BLTP1: variants seen among roughly 807,000 people sequenced by gnomAD.
BLTP1 encodes fragile site-associated protein.
At chr4:122,350,255 T>G in the BLTP1 span, 1 of 985,406 alleles carries the variant, frequency 1.0e-6, no homozygotes. Context: ...GGCCATCATT[T>G]AGGAAGACAT....
the BLTP1 span, chr4:122,349,981 A>G: frequency 6.2e-7 from 1 of 1,613,952 alleles, no homozygotes; most frequent in Non-Finnish European, 8.5e-7. The surrounding 1 kb of genome is among the most constrained non-coding windows in gnomAD (Gnocchi z 4.5). Flanking sequence ...ACAATTTGAT[A>G]CCAGCAAACG....
chr4:122,226,673 A>T, the BLTP1 span: 1 of 1,611,736 alleles, frequency 6.2e-7, no homozygotes, highest in Non-Finnish European at 8.5e-7. Flanking sequence ...TAGAATGCTA[A>T]CAGTGTTGTC....
chr4:122,359,838 T>G, the BLTP1 span: 1 of 1,432,832 alleles, frequency 7.0e-7, no homozygotes. Context: ...GTTAGTCTCC[T>G]GTAATGTCTA....
At chr4:122,291,849 T>C in the BLTP1 span, 1 of 978,772 alleles carries the variant, frequency 1.0e-6, no homozygotes, top group Non-Finnish European at 1.2e-6. Flanking sequence ...TTGTGAATGG[T>C]TGAGCTTTTG....
the BLTP1 span, chr4:122,199,461 A>G: frequency 6.2e-7 from 1 of 1,605,482 alleles, no homozygotes; most frequent in Non-Finnish European, 8.5e-7. Flanking sequence ...GTAAGTCTGT[A>G]GTACATGATG....
At chr4:122,239,476 G>GA in the BLTP1 span, 3 of 1,428,556 alleles carry the variant, frequency 2.1e-6, no homozygotes, top group Non-Finnish European at 2.8e-6. Context: ...TAAATTTTAT[G>GA]ATGTATAGAA....
the BLTP1 span, chr4:122,254,285 G>A: frequency 6.2e-7 from 1 of 1,613,482 alleles, no homozygotes; most frequent in African/African-American, 1.3e-5. Context: ...GACCATTAAA[G>A]AAATTTGGTT....
chr4:122,156,292 G>A, the BLTP1 span, among the ~76,000 whole-genome samples: 1 of 152,184 alleles, frequency 6.6e-6, no homozygotes. Context: ...GATCACTCAG[G>A]AAAATGTAGA....
the BLTP1 span, among the ~76,000 whole-genome samples, chr4:122,245,936 A>G: frequency 6.6e-6 from 1 of 152,030 alleles, no homozygotes; most frequent in South Asian, 2.1e-4. Flanking sequence ...CTGTAGGCTG[A>G]TTTCAATTTA....
At chr4:122,352,579 C>T in the BLTP1 span, among the ~76,000 whole-genome samples, 1 of 151,998 alleles carries the variant, frequency 6.6e-6, no homozygotes, top group Non-Finnish European at 1.5e-5. Flanking sequence ...AGGCTGGTCT[C>T]GAACTCCTGA....
chr4:122,234,803 G>T, the BLTP1 span: 7 of 1,612,816 alleles, frequency 4.3e-6, no homozygotes, highest in Non-Finnish European at 5.1e-6. Context: ...ATGATATCCT[G>T]AAGAATAAGA....
the BLTP1 span, chr4:122,362,569 G>A: frequency 5.8e-6 from 1 of 172,084 alleles, no homozygotes; most frequent in East Asian, 1.6e-4. Flanking sequence ...TGGATTGGCC[G>A]TAACTTTTAG....
the BLTP1 span, among the ~76,000 whole-genome samples, chr4:122,180,729 T>TA: frequency 6.6e-6 from 1 of 152,220 alleles, no homozygotes; most frequent in African/African-American, 2.4e-5. Flanking sequence ...CTATTTGTAG[T>TA]AAAAAAGGCA....
the BLTP1 span, chr4:122,189,435 T>C: frequency 1.6e-5 from 16 of 982,406 alleles, no homozygotes; most frequent in Non-Finnish European, 1.8e-5. Flanking sequence ...TTGCTCTAGA[T>C]TTATTTCAAG....
the BLTP1 span, chr4:122,300,965 G>T: frequency 1.4e-5 from 14 of 983,752 alleles, no homozygotes; most frequent in East Asian, 1.3e-3. Flanking sequence ...ACCACCAGGG[G>T]CTCTGCAACA....
At chr4:122,310,031 G>C in the BLTP1 span, among the ~76,000 whole-genome samples, 46 of 151,754 alleles carry the variant, frequency 3.0e-4, no homozygotes, top group Non-Finnish European at 7.4e-5. Flanking sequence ...AAATATTATA[G>C]CAGAGTTGGT....
chr4:122,272,306 G>A, the BLTP1 span: 1 of 1,613,334 alleles, frequency 6.2e-7, no homozygotes, highest in Non-Finnish European at 8.5e-7. Flanking sequence ...GATTGGCATG[G>A]TGAACCGCAC....
At chr4:122,194,742 AT>A in the BLTP1 span, 1 of 777,392 alleles carries the variant, frequency 1.3e-6, no homozygotes, top group Non-Finnish European at 1.6e-6. Flanking sequence ...TTTTTCATAA[AT>A]TTTAGGGTAT....
the BLTP1 span, among the ~76,000 whole-genome samples, chr4:122,314,740 A>G: frequency 1.3e-5 from 2 of 152,186 alleles, no homozygotes; most frequent in Admixed American, 1.3e-4. Flanking sequence ...AGAATTTTCA[A>G]CTGAGGTCAC....
Sources: allele counts gnomAD v4.1 joint callset (sites outside exome capture counted in the v4.1 genomes callset), GRCh38; gene constraint gnomAD v4.1.1; non-coding constraint Gnocchi (gnomAD v3.1); transcripts MANE v1.5; gene names NCBI Gene and HGNC (gene_info 2026-07-23, HGNC 2026-07-21).